SLC1A2: variants seen among roughly 807,000 people sequenced by gnomAD.
SLC1A2 encodes the protein excitatory amino acid transporter 2.
A neutral mutation model predicts 48.8 loss-of-function variants in SLC1A2; 15 were observed. That is an observed-to-expected ratio of 0.31 (90% CI 0.21 to 0.47). The LOEUF is 0.47. SLC1A2 is among the 20% of genes least tolerant of loss of function. The pLI, the probability that SLC1A2 is intolerant of heterozygous loss-of-function variation, is 0.99. For synonymous variants in SLC1A2, 279 were observed against 272.6 expected (o/e 1.02, Z -0.23); for missense variants, 502 against 730.5 (o/e 0.69, Z 3.61).
chr11:35,315,233 T>C, intron 2 of SLC1A2, 58 bp from the exon 3 acceptor site: 1 of 1,287,522 alleles, frequency 7.8e-7, no homozygotes, highest in Non-Finnish European at 1.1e-6. Flanking sequence ...AATGACTTAC[T>C]CTAGACACTT....
chr11:35,406,041 AC>A (rs1855282627), intron 1 of SLC1A2, among the ~76,000 whole-genome samples: 1 of 152,324 alleles, frequency 6.6e-6, no homozygotes, highest in South Asian at 2.1e-4. Flanking sequence ...AATTAATGTA[AC>A]CCTGATCCTC....
chr11:35,295,264 G>T (rs760414815), intron 6 of SLC1A2, among the ~76,000 whole-genome samples: 2 of 151,920 alleles, frequency 1.3e-5, no homozygotes. Flanking sequence ...TTGCTCAGCT[G>T]GTCTCAAATT....
intron 1 of SLC1A2, among the ~76,000 whole-genome samples, chr11:35,400,579 T>C (rs553005573): frequency 1.6e-4 from 25 of 152,352 alleles, no homozygotes; most frequent in African/African-American, 5.8e-4. Context: ...ATAAATTCGT[T>C]ATGGATAAAC....
chr11:35,282,906 C>A (rs1410655298), intron 8 of SLC1A2, among the ~76,000 whole-genome samples: 2 of 152,168 alleles, frequency 1.3e-5, no homozygotes, highest in African/African-American at 4.8e-5. Flanking sequence ...CTAAGCCCTG[C>A]AAGAGCTTCT....
chr11:35,329,406 T>A (rs1239844815), intron 1 of SLC1A2, among the ~76,000 whole-genome samples: 2 of 152,224 alleles, frequency 1.3e-5, no homozygotes, highest in Admixed American at 6.5e-5. Flanking sequence ...TCGCTTGTGA[T>A]AAATGTACCA....
At chr11:35,307,877 A>C (rs554696221) in intron 4 of SLC1A2, among the ~76,000 whole-genome samples, 1 of 152,246 alleles carries the variant, frequency 6.6e-6, no homozygotes, top group East Asian at 1.9e-4. Flanking sequence ...GGCCACATGT[A>C]CTCGTGCAGG....
chr11:35,310,026 C>T (rs1442948328), intron 4 of SLC1A2, among the ~76,000 whole-genome samples: 1 of 152,174 alleles, frequency 6.6e-6, no homozygotes, highest in Non-Finnish European at 1.5e-5. Flanking sequence ...TTGCCATGGG[C>T]AGCTGCATGC....
At position 35,258,303 on chromosome 11, in the gene SLC1A2, T is replaced by C. The variant is rs1380913287; in HGVS notation, c.*2591A>G. 1 of 152,234 alleles carries C rather than the reference T, an allele frequency of 6.6e-6. No homozygotes were observed. The highest frequency in any genetic ancestry group is 1.9e-4 in the East Asian group (1 of 5,202). 9.4% of individuals were successfully genotyped at this position (152,234 alleles called of 1,614,324 possible). On this transcript the variant is annotated 3_prime_UTR_variant, in exon 11 of 11. Transcript: ENST00000278379. Reference sequence around the variant, plus strand: ...AAGTCTCAGACCAGAAAAAACTTGCTTTGTGAAGTTGTACACCTTGTTTCT... The same window carrying C: ...AAGTCTCAGACCAGAAAAAACTTGCCTTGTGAAGTTGTACACCTTGTTTCT...
At chr11:35,385,437 G>A (rs1854556378) in intron 1 of SLC1A2, among the ~76,000 whole-genome samples, 1 of 152,208 alleles carries the variant, frequency 6.6e-6, no homozygotes, top group East Asian at 1.9e-4. Context: ...CAGCTAGTCT[G>A]TCTATTTCTA....
chr11:35,373,346 AG>A (rs1854120785), intron 1 of SLC1A2, among the ~76,000 whole-genome samples: 1 of 152,190 alleles, frequency 6.6e-6, no homozygotes, highest in African/African-American at 2.4e-5. Flanking sequence ...TTCCATAGCC[AG>A]GTTGGGCCCC....
chr11:35,369,861 A>G (rs4756224), intron 1 of SLC1A2, among the ~76,000 whole-genome samples: 42,931 of 152,064 alleles, frequency 0.28, 6,199 homozygotes, highest in African/African-American at 0.33. Context: ...GCTAACAAAA[A>G]TCATAATATA....
At chr11:35,343,728 C>A (rs1006862136) in intron 1 of SLC1A2, among the ~76,000 whole-genome samples, 3 of 152,048 alleles carry the variant, frequency 2.0e-5, no homozygotes, top group African/African-American at 7.2e-5. Context: ...ATGGAGATAA[C>A]CTATTATCTG....
intron 1 of SLC1A2, among the ~76,000 whole-genome samples, chr11:35,348,572 G>A (rs1853123213): frequency 6.6e-6 from 1 of 152,192 alleles, no homozygotes; most frequent in South Asian, 2.1e-4. Context: ...ACCAGCTGAT[G>A]TAGGCACACA....
At chr11:35,314,962 A>G (rs1261875148) in intron 3 of SLC1A2, 61 bp downstream of exon 3, 2 of 1,223,954 alleles carry the variant, frequency 1.6e-6, no homozygotes, top group African/African-American at 3.0e-5. Context: ...TTCTACAGTT[A>G]ATTAAAAGCC....
At chr11:35,286,649 T>C in intron 8 of SLC1A2, 108 bp downstream of exon 8, 2 of 762,906 alleles carry the variant, frequency 2.6e-6, no homozygotes, top group Non-Finnish European at 4.1e-6. Flanking sequence ...ATTACCTTCA[T>C]TGTCTTCCAC....
chr11:35,396,578 C>G (rs1339061170), intron 1 of SLC1A2, among the ~76,000 whole-genome samples: 24 of 151,640 alleles, frequency 1.6e-4, no homozygotes, highest in African/African-American at 5.8e-4. Flanking sequence ...TGGATATTAG[C>G]CCTTTGTCAG....
intron 1 of SLC1A2, among the ~76,000 whole-genome samples, chr11:35,360,947 C>T (rs1219537573): frequency 6.6e-6 from 1 of 152,000 alleles, no homozygotes; most frequent in Non-Finnish European, 1.5e-5. Context: ...GCAATCTCGG[C>T]CCACTGCAAC....
chr11:35,315,808 A>AAAAGAAAGAAAG (rs61571306), intron 2 of SLC1A2: 21 of 139,380 alleles, frequency 1.5e-4, no homozygotes, highest in African/African-American at 5.5e-4. Context: ...AAAAAAAAAA[A>AAAAGAAAGAAAG]AAAGAAAGAA....
At chr11:35,381,511 C>T (rs1854421125) in intron 1 of SLC1A2, among the ~76,000 whole-genome samples, 1 of 152,092 alleles carries the variant, frequency 6.6e-6, no homozygotes, top group African/African-American at 2.4e-5. Context: ...CTAGACATCC[C>T]AGTTACCTTA....
Sources: gnomAD v4.1 joint callset for allele counts (sites outside exome capture counted in the v4.1 genomes callset) on GRCh38, gnomAD v4.1.1 for gene constraint, MANE v1.5 for transcripts, NCBI Gene and HGNC (gene_info 2026-07-23, HGNC 2026-07-21) for gene names.